Variants in CSMD3 observed in about 807,000 individuals in gnomAD.
The protein encoded by CSMD3 is CUB and Sushi multiple domains 3.
CSMD3 carries 177 observed loss-of-function variants against 435.2 expected under a neutral mutation model. The ratio of observed to expected loss-of-function variants is 0.41; its 90% CI spans 0.36 to 0.46. CSMD3 has a LOEUF of 0.46. Among genes scored for constraint, CSMD3 ranks in the 20% least tolerant of loss-of-function variants. The pLI, the probability that CSMD3 is intolerant of heterozygous loss-of-function variation, is 0.34. For missense variants in CSMD3, 4,265 were observed against 4,504.6 expected (o/e 0.95, Z 1.52); for synonymous variants, 1,656 against 1,520.5 (o/e 1.09, Z -2.07).
intron 20 of CSMD3, among the ~76,000 whole-genome samples, chr8:112,642,189 CT>C (rs11440762): frequency 8.6e-5 from 13 of 151,422 alleles, no homozygotes; most frequent in East Asian, 7.8e-4. Context: ...TGCCATTTGA[CT>C]TTTTTTTTCT....
intron 35 of CSMD3, among the ~76,000 whole-genome samples, chr8:112,396,976 T>C (rs1269755501): frequency 2.6e-5 from 4 of 152,158 alleles, no homozygotes; most frequent in Non-Finnish European, 5.9e-5. Context: ...TTGGGGCAGA[T>C]GTTTTATGCA....
At chr8:112,567,955 G>A (rs917649582) in intron 24 of CSMD3, among the ~76,000 whole-genome samples, 4 of 152,192 alleles carry the variant, frequency 2.6e-5, no homozygotes, top group Admixed American at 6.5e-5. Context: ...TGTCTCATTC[G>A]GATATTTATT....
intron 20 of CSMD3, among the ~76,000 whole-genome samples, chr8:112,640,177 C>A (rs192506355): frequency 2.4e-3 from 359 of 152,174 alleles, no homozygotes; most frequent in African/African-American, 8.2e-3. Flanking sequence ...ATGTAAAAGA[C>A]TAATGACTTC....
At chr8:112,372,070 G>A (rs1828449499) in intron 38 of CSMD3, among the ~76,000 whole-genome samples, 1 of 151,834 alleles carries the variant, frequency 6.6e-6, no homozygotes, top group East Asian at 1.9e-4. Context: ...GAACACTGAT[G>A]GGATAAAAAA....
chr8:112,554,285 T>C (rs1264148892), intron 25 of CSMD3, among the ~76,000 whole-genome samples: 5 of 151,964 alleles, frequency 3.3e-5, no homozygotes, highest in African/African-American at 9.7e-5. Context: ...GATATACCCA[T>C]GGAGGGCTAA....
intron 17 of CSMD3, among the ~76,000 whole-genome samples, chr8:112,657,219 C>G (rs559620499): frequency 6.6e-6 from 1 of 151,992 alleles, no homozygotes; most frequent in Non-Finnish European, 1.5e-5. Flanking sequence ...TGTGCCACCA[C>G]GCCTGGCGGA....
chr8:112,594,830 A>C (rs2131384233), intron 22 of CSMD3, among the ~76,000 whole-genome samples: 1 of 152,220 alleles, frequency 6.6e-6, no homozygotes, highest in East Asian at 1.9e-4. Flanking sequence ...AAAACTAACA[A>C]ACAGAAAGGA....
intron 4 of CSMD3, among the ~76,000 whole-genome samples, chr8:113,158,330 T>C (rs1452079110): frequency 6.6e-6 from 1 of 151,982 alleles, no homozygotes; most frequent in African/African-American, 2.4e-5. Context: ...ACATATATGA[T>C]AACGGAAGGT....
intron 1 of CSMD3, among the ~76,000 whole-genome samples, chr8:113,320,317 C>G (rs760972203): frequency 6.6e-6 from 1 of 152,004 alleles, no homozygotes; most frequent in Admixed American, 6.6e-5. Context: ...TGAAAGGTAA[C>G]TAAATTTTAT....
intron 5 of CSMD3, among the ~76,000 whole-genome samples, chr8:113,069,010 C>T (rs910933947): frequency 3.4e-5 from 5 of 145,988 alleles, no homozygotes; most frequent in African/African-American, 1.0e-4. Context: ...AGTTAAGCAA[C>T]TTAACCAAGG....
At chr8:113,060,787 A>G (rs1412368566) in intron 5 of CSMD3, among the ~76,000 whole-genome samples, 1 of 152,180 alleles carries the variant, frequency 6.6e-6, no homozygotes, top group African/African-American at 2.4e-5. Flanking sequence ...GCCAAAACTC[A>G]GTTAAAAAAT....
chr8:112,327,000 C>T (rs926271449), intron 45 of CSMD3, among the ~76,000 whole-genome samples: 19 of 151,842 alleles, frequency 1.3e-4, no homozygotes, highest in African/African-American at 4.4e-4. Context: ...CCAGCCTGGG[C>T]GACAGAGTGA....
intron 5 of CSMD3, among the ~76,000 whole-genome samples, chr8:113,096,863 C>G (rs1204465755): frequency 7.2e-5 from 11 of 152,110 alleles, no homozygotes; most frequent in Admixed American, 4.6e-4. Flanking sequence ...CAAATATCAA[C>G]TTTACAATTA....
intron 24 of CSMD3, among the ~76,000 whole-genome samples, chr8:112,557,198 G>C (rs899163571): frequency 1.3e-5 from 2 of 151,698 alleles, no homozygotes; most frequent in African/African-American, 4.8e-5. Flanking sequence ...AATTACCATG[G>C]CTTGTGGTAC....
At chr8:112,543,896 A>G (rs1036359225) in intron 27 of CSMD3, among the ~76,000 whole-genome samples, 10 of 152,160 alleles carry the variant, frequency 6.6e-5, no homozygotes, top group African/African-American at 2.2e-4. Flanking sequence ...TGGTCTCTAA[A>G]AGAAGGATTC....
intron 3 of CSMD3, among the ~76,000 whole-genome samples, chr8:113,227,778 A>C (rs2132168369): frequency 6.6e-6 from 1 of 151,780 alleles, no homozygotes; most frequent in South Asian, 2.1e-4. Context: ...TGAGTCAATT[A>C]AACTTCCTTT....
At position 112,295,979 on chromosome 8, in the gene CSMD3, A is replaced by C. The variant is rs573116897; in HGVS notation, c.8468T>G (p.Ile2823Ser). The stretch of plus-strand genomic sequence containing the variant: ...TTCTCCAATGACTTGACCATTCACA[A>C]TCAGTTCTGGAATTCCACAATGACC... ...LAGHCGIPEL[I>S]VNGQVIGENY... The change falls in exon 54 of 71, where the codon ATT (isoleucine) becomes AGT (serine). Residue 2823 changes from isoleucine (I) to serine (S), a missense_variant. Ile to Ser is a moderately radical substitution (Grantham distance 142). Coordinates refer to ENST00000297405, the MANE Select transcript of CSMD3 (RefSeq NM_198123.2). 6.2e-7 allele frequency: 1 copy of C among 1,613,318 alleles called. No individual in the cohort carries two copies. The highest frequency in any genetic ancestry group is 8.5e-7 in the Non-Finnish European group (1 of 1,179,362).
At chr8:113,307,953 C>G (rs989987861) in intron 2 of CSMD3, among the ~76,000 whole-genome samples, 2 of 152,118 alleles carry the variant, frequency 1.3e-5, no homozygotes, top group African/African-American at 4.8e-5. Context: ...TACCTAATAA[C>G]CAAACATTTT....
At chr8:113,077,928 T>C (rs117657562) in intron 5 of CSMD3, among the ~76,000 whole-genome samples, 326 of 152,276 alleles carry the variant, frequency 2.1e-3, no homozygotes, top group Non-Finnish European at 3.3e-3. Flanking sequence ...TCTTATAGTA[T>C]AGGAAAATTA....
Sources: gnomAD v4.1 joint callset for allele counts (sites outside exome capture counted in the v4.1 genomes callset) on GRCh38, gnomAD v4.1.1 for gene constraint, MANE v1.5 for transcripts, NCBI Gene and HGNC (gene_info 2026-07-23, HGNC 2026-07-21) for gene names.